Variants in GPR108 observed in about 807,000 individuals in gnomAD.
The protein encoded by GPR108 is protein GPR108.
A neutral mutation model predicts 74.3 loss-of-function variants in GPR108; 60 were observed. That is an observed-to-expected ratio of 0.81 (90% CI 0.66 to 1.00). GPR108 has a LOEUF of 1.00. Among genes scored for constraint, GPR108 ranks in the 50% least tolerant of loss-of-function variants. The pLI is 0.00. For synonymous variants in GPR108, 311 were observed against 292.4 expected (o/e 1.06, Z -0.65); for missense variants, 667 against 703.3 (o/e 0.95, Z 0.58).
intron 2 of GPR108, 93 bp from the exon 3 acceptor site, chr19:6,736,051 T>A: frequency 9.0e-7 from 1 of 1,108,900 alleles, no homozygotes. Context: ...AACCTCACAT[T>A]TACTGAACAC....
In GPR108 at chr19:6,732,450, TG is replaced by T. The variant is rs759748097; in HGVS notation, c.1007+25del. 5.0e-6 allele frequency: 8 copies of T among 1,612,214 alleles called. No homozygotes were observed. The South Asian group carries it at 8.8e-5, about 18-fold the overall frequency. ...CCTCCCCTGCCTGCCTCCCCCCAGC[TG>T]CCCAGCAGAGTGGGGGACACTCACA... On this transcript the variant is annotated intron_variant, in intron 11 of 17. Coordinates refer to ENST00000264080, the MANE Select transcript of GPR108 (RefSeq NM_001080452.2).
At chr19:6,732,910 G>T in intron 10 of GPR108, 77 bp downstream of exon 10, 3 of 1,333,284 alleles carry the variant, frequency 2.3e-6, no homozygotes, top group African/African-American at 2.9e-5. Flanking sequence ...CAGGCCCAGG[G>T]TCTGCAGAGA....
chr19:6,736,664 G>C lies in GPR108; in HGVS notation c.168C>G (p.Thr56=). 1 of 1,614,074 alleles carries C rather than the reference G, an allele frequency of 6.2e-7. No homozygotes were observed. The highest frequency in any genetic ancestry group is 8.5e-7 in the Non-Finnish European group (1 of 1,180,006). ...DIQLNSFGFY[T]NGSLEVELSV... ...TCAACTCCACCTCCAGAGAGCCATT[G>C]GTGTAGAAACCGAAGCTGTTCAGCT... is the stretch of plus-strand genomic sequence containing the variant. Residue 56 remains threonine (T), a synonymous_variant, in exon 2 of 18, where the codon ACC becomes ACG. Coordinates refer to ENST00000264080, the MANE Select transcript of GPR108 (RefSeq NM_001080452.2).
At chr19:6,731,306 G>A (rs773792883) in intron 15 of GPR108, 24 bp from the exon 16 acceptor site, 1 of 1,535,210 alleles carries the variant, frequency 6.5e-7, no homozygotes, top group Non-Finnish European at 8.8e-7. Flanking sequence ...AGCAGGCGTG[G>A]GGCCAGGACT....
rs1952976354 is a variant in GPR108 at position 6,732,935 on chromosome 19, C to T, written c.933+52G>A. 12 of 1,486,916 alleles carry T rather than the reference C, an allele frequency of 8.1e-6. No individual in the cohort carries two copies. In the African/African-American group the frequency reaches 9.8e-5, roughly 12 times the overall value. The allele number at this position is 1,486,916 out of a possible 1,614,324, so 92.1% of individuals were successfully genotyped here. The stretch of plus-strand genomic sequence containing the variant: ...GTCTGCAGAGATTTGGGGGATGGCC[C>T]GGGTGGGCCTTTCAGCCCACCCCCC... On this transcript the variant is annotated intron_variant, in intron 10 of 17. Transcript: ENST00000264080.
intron 4 of GPR108, among the ~76,000 whole-genome samples, chr19:6,734,755 G>A (rs1285078459): frequency 1.3e-5 from 2 of 151,944 alleles, no homozygotes; most frequent in African/African-American, 4.8e-5. Flanking sequence ...TGCCCAGGCT[G>A]GTCTTGAACT....
rs370452204 is a variant in GPR108, at chr19:6,732,305, C to T, written c.1083G>A (p.Ser361=). ...SGWAFIKYVL[S]DKEKKVFGIV... ...TCCCAAAGACCTTCTTCTCCTTATCCGACAGGACGTACTTGATGAAGGCCC... is the reference window on the plus strand; with the variant it reads ...TCCCAAAGACCTTCTTCTCCTTATCTGACAGGACGTACTTGATGAAGGCCC... The change falls in exon 12 of 18, where the codon TCG becomes TCA. Residue 361 remains serine (S), a synonymous_variant. Coordinates refer to ENST00000264080, the MANE Select transcript of GPR108 (RefSeq NM_001080452.2). 7.7e-5 allele frequency: 124 copies of T among 1,613,034 alleles called. No homozygotes were observed. Among genetic ancestry groups the T allele is most frequent in the Middle Eastern group, 3.3e-4 (2 of 6,084 alleles).
intron 10 of GPR108, 102 bp downstream of exon 10, chr19:6,732,885 C>T (rs1215821174): frequency 1.6e-5 from 16 of 1,021,916 alleles, no homozygotes; most frequent in South Asian, 2.9e-5. Flanking sequence ...GGATAGCTGG[C>T]GGATGGCCCT....
Position 6,731,458 on chromosome 19 carries a change from G to T in GPR108, c.1350+15C>A. On this transcript the variant is annotated intron_variant, in intron 15 of 17. Coordinates refer to ENST00000264080, the MANE Select transcript of GPR108 (RefSeq NM_001080452.2). ...TAATCCCCCCAAACCCGCTGTGAGT[G>T]AGGCGGGCTCCTACCATGACATAGT... 5 of 1,531,424 alleles carry T rather than the reference G, an allele frequency of 3.3e-6. No individual in the cohort carries two copies. Among genetic ancestry groups the T allele is most frequent in the Non-Finnish European group, 3.5e-6 (4 of 1,140,680 alleles). 94.9% of individuals were successfully genotyped at this position (1,531,424 alleles called of 1,614,324 possible). A position where few individuals can be genotyped will look rare whatever the true frequency, so the allele number is the denominator to read the frequency against.
rs1428277645 is a variant in GPR108, at chr19:6,732,080, TCTC to T, written c.1198_1200del (p.Glu400del). On this transcript the variant is annotated inframe_deletion, in exon 13 of 18. Transcript: ENST00000264080. The stretch of plus-strand genomic sequence containing the variant: ...CAGATGAGGTCCACCAGGAACAAAA[TCTC>T]CTTCCACAGCACGTAGTCGCTGGCG... The T allele has an allele frequency of 3.1e-6, 5 of 1,613,550 alleles. No individual in the cohort carries two copies. In the Admixed American group the frequency reaches 5.0e-5, roughly 16 times the overall value.
At chr19:6,736,996 G>A (rs1968664820) in intron 1 of GPR108, 1 of 450,078 alleles carries the variant, frequency 2.2e-6, no homozygotes, top group South Asian at 2.7e-5. Flanking sequence ...TCACCTCGGC[G>A]TGCCTGACCT....
chr19:6,733,138 G>A (rs201327623), intron 9 of GPR108, 30 bp downstream of exon 9: 97 of 1,613,682 alleles, frequency 6.0e-5, no homozygotes, highest in Non-Finnish European at 7.3e-5. Context: ...GTGAAGGGAC[G>A]TGGGGGACCC....
chr19:6,730,102 G>C lies in GPR108; in HGVS notation c.*210C>G. 1.7e-6 allele frequency: 1 copy of C among 589,632 alleles called. No individual in the cohort carries two copies. Among genetic ancestry groups the C allele is most frequent in the Middle Eastern group, 2.6e-4 (1 of 3,776 alleles). The allele number at this position is 589,632 out of a possible 1,614,324, so 36.5% of individuals were successfully genotyped here. On this transcript the variant is annotated 3_prime_UTR_variant, in exon 18 of 18. Transcript: ENST00000264080. ...TTGTACACATAGCTGGAAGGGAGGG[G>C]TGGTCCCGGGGTAAGGACAGGGCTG...
chr19:6,735,839 G>A, intron 3 of GPR108, 69 bp downstream of exon 3: 1 of 1,553,024 alleles, frequency 6.4e-7, no homozygotes, highest in Non-Finnish European at 8.8e-7. Flanking sequence ...TTGGGTTACA[G>A]ATGCAGAGGA....
intron 5 of GPR108, 29 bp from the exon 6 acceptor site, chr19:6,734,083 A>G: frequency 6.2e-7 from 1 of 1,612,528 alleles, no homozygotes; most frequent in Non-Finnish European, 8.5e-7. Flanking sequence ...TGATTTTAAG[A>G]GATGGATGGA....
chr19:6,734,627 A>C (rs1222334835), intron 4 of GPR108, among the ~76,000 whole-genome samples: 2 of 152,130 alleles, frequency 1.3e-5, no homozygotes, highest in Admixed American at 6.6e-5. Context: ...CTGCAGCCTC[A>C]AATTCCTGGG....
Position 6,731,298 on chromosome 19 carries a change from C to A in GPR108, c.1351-16G>T, listed in dbSNP as rs772952950. On this transcript the variant is annotated splice_polypyrimidine_tract_variant and intron_variant, in intron 15 of 17. Transcript: ENST00000264080. ...AGCAGATGACCTGCAGGGGCGCGAG[C>A]AGGCGTGGGGCCAGGACTGTAGGGG... 1 of 1,541,632 alleles carries A rather than the reference C, an allele frequency of 6.5e-7. No homozygotes were observed. Among genetic ancestry groups the A allele is most frequent in the South Asian group, 1.2e-5 (1 of 80,794 alleles).
chr19:6,736,883 G>A, intron 1 of GPR108, 172 bp from the exon 2 acceptor site: 1 of 844,326 alleles, frequency 1.2e-6, no homozygotes, highest in South Asian at 1.8e-5. Context: ...GGGGAAGGGT[G>A]GTCCTGCATT....
Position 6,731,089 on chromosome 19 carries a change from A to C in GPR108, c.1457T>G (p.Leu486Arg). Reference sequence around the variant, plus strand: ...GTAGCCCGTGAGCACGAAGAAGGCCAGGGTGGAGCCCTCCACCAAGAGCTG... The same window carrying C: ...GTAGCCCGTGAGCACGAAGAAGGCCCGGGTGGAGCCCTCCACCAAGAGCTG... ...LYQLLVEGST[L>R]AFFVLTGYKF... The change falls in exon 17 of 18, where the codon CTG becomes CGG. Residue 486 changes from leucine (L) to arginine (R), a missense_variant. Leu to Arg is a moderately radical substitution (Grantham distance 102). Transcript: ENST00000264080. 6.2e-7 allele frequency: 1 copy of C among 1,613,366 alleles called. No homozygotes were observed. Among genetic ancestry groups the C allele is most frequent in the Non-Finnish European group, 8.5e-7 (1 of 1,179,808 alleles).
Sources: gnomAD v4.1 joint callset for allele counts (sites outside exome capture counted in the v4.1 genomes callset) on GRCh38, gnomAD v4.1.1 for gene constraint, MANE v1.5 for transcripts, NCBI Gene and HGNC (gene_info 2026-07-23, HGNC 2026-07-21) for gene names.